HMCN1: variants seen among roughly 807,000 people sequenced by gnomAD.
The protein encoded by HMCN1 is hemicentin-1.
HMCN1 carries 321 observed loss-of-function variants against 625.9 expected under a neutral mutation model. That is an observed-to-expected ratio of 0.51 (90% confidence interval 0.47 to 0.56). The LOEUF (loss-of-function observed/expected upper bound fraction) is 0.56, where lower values mean the gene tolerates loss of function less well. Among genes scored for constraint, HMCN1 ranks in the 20% least tolerant of loss-of-function variants. HMCN1 has a pLI of 0.00. For synonymous variants in HMCN1, 2,425 were observed against 2,417.6 expected (o/e 1.00, Z -0.09); for missense variants, 6,588 against 6,887.3 (o/e 0.96, Z 1.54).
intron 14 of HMCN1, among the ~76,000 whole-genome samples, chr1:185,969,082 G>A (rs1650620707): frequency 6.6e-6 from 1 of 152,164 alleles, no homozygotes; most frequent in Non-Finnish European, 1.5e-5. Context: ...AAGGGAAAGT[G>A]AATTCCAAAA....
At chr1:185,964,116 G>C (rs998545853) in intron 13 of HMCN1, among the ~76,000 whole-genome samples, 2 of 152,012 alleles carry the variant, frequency 1.3e-5, no homozygotes, top group Admixed American at 1.3e-4. Flanking sequence ...GAAGCTTCCA[G>C]GTTATGGAAT....
chr1:185,805,048 C>A (rs1659075997), intron 1 of HMCN1, among the ~76,000 whole-genome samples: 1 of 152,136 alleles, frequency 6.6e-6, no homozygotes, highest in Non-Finnish European at 1.5e-5. Flanking sequence ...GAAAATGTAT[C>A]TTGAACCATT....
chr1:186,115,792 A>G (rs1661105109), intron 75 of HMCN1, among the ~76,000 whole-genome samples: 1 of 152,118 alleles, frequency 6.6e-6, no homozygotes, highest in African/African-American at 2.4e-5. Flanking sequence ...GTCAAATTTT[A>G]TACCTTAAAA....
chr1:185,782,549 C>G (rs917579217), intron 1 of HMCN1, among the ~76,000 whole-genome samples: 7 of 152,148 alleles, frequency 4.6e-5, no homozygotes, highest in Non-Finnish European at 1.0e-4. Flanking sequence ...CTGGTGGTGA[C>G]AAAATCTCTC....
chr1:186,045,503 G>A (rs180860633), intron 40 of HMCN1, among the ~76,000 whole-genome samples, 185 bp from the exon 41 acceptor site: 3 of 152,202 alleles, frequency 2.0e-5, no homozygotes, highest in Admixed American at 6.5e-5. Flanking sequence ...ATTTTTCAAC[G>A]AGAATACATT....
At position 186,125,648 on chromosome 1, in the gene HMCN1, G is replaced by A. The variant is rs968536996; in HGVS notation, c.12544G>A (p.Glu4182Lys). The change falls in exon 82 of 107, where the codon GAG (glutamate) becomes AAG (lysine). Residue 4182 changes from glutamate (E) to lysine (K), a missense_variant. This residue lies in a region of HMCN1 where 1,954 missense variants were observed against 2,013.1 expected (regional missense o/e 0.97). Transcript: ENST00000271588. ...TACAGAAGGACACTACACGGTCAAT[G>A]AGAATTCACAAGCCATTCTTCCATG... is the stretch of plus-strand genomic sequence containing the variant. ...RSTEGHYTVN[E>K]NSQAILPCVA... is the part of the protein sequence containing the mutation. 1 of 1,613,346 alleles carries A rather than the reference G, an allele frequency of 6.2e-7. No individual in the cohort carries two copies. The highest frequency in any genetic ancestry group is 8.5e-7 in the Non-Finnish European group (1 of 1,179,452).
chr1:185,924,928 A>C, intron 8 of HMCN1, 119 bp from the exon 9 acceptor site: 2 of 903,434 alleles, frequency 2.2e-6, no homozygotes, highest in Non-Finnish European at 3.5e-6. Context: ...ATTGGAATGC[A>C]GAGGATTTAC....
At chr1:185,764,564 T>G (rs1258504407) in intron 1 of HMCN1, among the ~76,000 whole-genome samples, 1 of 152,152 alleles carries the variant, frequency 6.6e-6, no homozygotes, top group Non-Finnish European at 1.5e-5. Flanking sequence ...TTTATCATGC[T>G]TTCTGACTTA....
intron 1 of HMCN1, among the ~76,000 whole-genome samples, chr1:185,771,228 C>G (rs537699725): frequency 4.4e-4 from 67 of 152,320 alleles, no homozygotes; most frequent in African/African-American, 1.5e-3. Context: ...TCATGCCCAG[C>G]AGGCTAATGC....
Position 186,128,169 on chromosome 1 carries a change from C to A in HMCN1, c.12782C>A (p.Thr4261Asn), listed in dbSNP as rs1436531602. The A allele has an allele frequency of 2.5e-6, 4 of 1,613,578 alleles. No homozygotes were observed. Among genetic ancestry groups the A allele is most frequent in the Non-Finnish European group, 1.7e-6 (2 of 1,179,768 alleles). Residue 4261 changes from threonine to asparagine, a missense_variant, in exon 83 of 107, where the codon ACT (threonine) becomes AAT (asparagine). By Grantham distance (65) the Thr-to-Asn change is moderately conservative. This residue lies in a region of HMCN1 where 1,954 missense variants were observed against 2,013.1 expected (regional missense o/e 0.97). Transcript: ENST00000271588. ...TVSLTVHVLPTFTELPGDVSL... is the reference protein window; with the variant it reads ...TVSLTVHVLPNFTELPGDVSL... ...AGCCTGACTGTGCATGTTCTCCCCA[C>A]TTTTACTGAACTTCCTGGAGACGTG...
intron 105 of HMCN1, among the ~76,000 whole-genome samples, chr1:186,183,671 A>G (rs1354403363): frequency 2.0e-5 from 3 of 152,160 alleles, no homozygotes; most frequent in Admixed American, 6.5e-5. Context: ...TACCCATTCT[A>G]AAACTAATTA....
intron 20 of HMCN1, among the ~76,000 whole-genome samples, chr1:185,988,652 A>G (rs894132379): frequency 6.6e-6 from 1 of 152,188 alleles, no homozygotes; most frequent in Non-Finnish European, 1.5e-5. Context: ...TTCCAGGTTG[A>G]TCTTTGTGCT....
At chr1:185,835,629 ACT>A (rs1329435711) in intron 1 of HMCN1, among the ~76,000 whole-genome samples, 2 of 151,598 alleles carry the variant, frequency 1.3e-5, no homozygotes, top group African/African-American at 4.9e-5. Flanking sequence ...TAAAGTGAAG[ACT>A]CTGAACTTCT....
chr1:185,823,462 T>C (rs1425620952), intron 1 of HMCN1, among the ~76,000 whole-genome samples: 1 of 152,182 alleles, frequency 6.6e-6, no homozygotes, highest in Non-Finnish European at 1.5e-5. Context: ...TGGTAATAAA[T>C]ACTGACAGAT....
intron 36 of HMCN1, among the ~76,000 whole-genome samples, chr1:186,025,831 C>A (rs1390419905): frequency 6.6e-6 from 1 of 150,406 alleles, no homozygotes; most frequent in Non-Finnish European, 1.5e-5. Context: ...AAAAATTGCT[C>A]AATCAGAGGG....
chr1:185,923,410 C>G lies in HMCN1; in HGVS notation c.1042C>G (p.Leu348Val). 6.2e-7 allele frequency: 1 copy of G among 1,610,294 alleles called. No homozygotes were observed. Among genetic ancestry groups the G allele is most frequent in the Middle Eastern group, 1.7e-4 (1 of 6,044 alleles). The change falls in exon 8 of 107, where the codon CTC (leucine) becomes GTC (valine). Residue 348 changes from leucine (L) to valine (V), a missense_variant. By Grantham distance (32) the Leu-to-Val change is conservative (BLOSUM62 1). Transcript: ENST00000271588. ...TGTAGGAATACCTACCTATGTACTG[C>G]TCAATACTTCTGGAATTTCCACTCC... Reference protein sequence around the residue: ...PVQGIPTYVLLNTSGISTPAR... With the variant: ...PVQGIPTYVLVNTSGISTPAR...
intron 4 of HMCN1, among the ~76,000 whole-genome samples, chr1:185,905,246 C>T (rs972305081): frequency 2.0e-5 from 3 of 151,624 alleles, no homozygotes; most frequent in Admixed American, 1.3e-4. Context: ...TTCTCTCTCT[C>T]TTGTCCTTTT....
rs948740807 is a variant in HMCN1, at chr1:185,888,838, C to A, written c.622-20499C>A. Among the ~76,000 whole-genome samples the A allele has an allele frequency of 6.1e-5, 9 of 146,446 alleles. 1 individual carries two copies. In the South Asian group the frequency reaches 1.2e-3, roughly 20 times the overall value. On this transcript the variant is annotated intron_variant, in intron 4 of 106. Transcript: ENST00000271588. ...AACTTTAAAGTAGTTTTTTCCAATT[C>A]TGTGAAGAAAGGCATTGGTAGCTTG...
At chr1:186,189,086 AT>A (rs1209329854) in intron 106 of HMCN1, among the ~76,000 whole-genome samples, 1 of 152,216 alleles carries the variant, frequency 6.6e-6, no homozygotes, top group Non-Finnish European at 1.5e-5. Flanking sequence ...TTTAGAAAAA[AT>A]GTCAATATAT....
Sources: gnomAD v4.1 joint callset for allele counts (sites outside exome capture counted in the v4.1 genomes callset) on GRCh38, gnomAD v4.1.1 for gene constraint, gnomAD v4.1.1 regional missense constraint, MANE v1.5 for transcripts, NCBI Gene and HGNC (gene_info 2026-07-23, HGNC 2026-07-21) for gene names.